SMARCA2: variants seen among roughly 807,000 people sequenced by gnomAD.
SMARCA2 encodes the protein SWI/SNF-related matrix-associated actin-dependent regulator of chromatin subfamily A member 2.
Under a neutral mutation model 199.8 loss-of-function variants are expected in SMARCA2, and 61 were observed. That is an observed-to-expected ratio of 0.31 (90% confidence interval 0.25 to 0.38). The LOEUF (loss-of-function observed/expected upper bound fraction) is 0.38. Ranked by LOEUF, SMARCA2 falls within the 10% of genes least tolerant of loss-of-function variation. The probability of loss-of-function intolerance (pLI) is 1.00; values close to 1 mark genes in which losing one functional copy is unlikely to be tolerated. For missense variants in SMARCA2, 1,344 were observed against 2,012.2 expected (o/e 0.67, Z 6.35); for synonymous variants, 935 against 732.0 (o/e 1.28, Z -4.48).
Position 2,028,991 on chromosome 9 carries a change from A to G in SMARCA2, c.-32A>G, listed in dbSNP as rs1436182298. 1 of 1,545,404 alleles carries G rather than the reference A, an allele frequency of 6.5e-7. No individual in the cohort carries two copies. The highest frequency in any genetic ancestry group is 2.0e-5 in the Admixed American group (1 of 49,498). ...TTTTTCTGCTTTTCAACTTAGCATTACTCTACTGACTGGCAGAGACAGGAG... is the reference window on the plus strand; with the variant it reads ...TTTTTCTGCTTTTCAACTTAGCATTGCTCTACTGACTGGCAGAGACAGGAG... On this transcript the variant is annotated 5_prime_UTR_variant, in exon 2 of 34. Transcript: ENST00000349721.
In SMARCA2 at chr9:2,115,441, G is replaced by C. The variant is rs571995275; in HGVS notation, c.3457-381G>C. On this transcript the variant is annotated intron_variant, in intron 24 of 33. Transcript: ENST00000349721. This position sits in a 1 kb window ranked among gnomAD's most constrained non-coding sequence, Gnocchi z 6.0. ...CAACACATCACGCCAAAGAAAAGGC[G>C]TTTCTTGCAACTTAAGGTTAGTTGT... is the stretch of plus-strand genomic sequence containing the variant. 6.6e-6 allele frequency among the ~76,000 whole-genome samples: 1 copy of C among 152,140 alleles called. No homozygotes were observed. Among genetic ancestry groups the C allele is most frequent in the Non-Finnish European group, 1.5e-5 (1 of 68,012 alleles).
At position 2,123,656 on chromosome 9, in the gene SMARCA2, G is replaced by A. The variant is rs1823561930; in HGVS notation, c.3763-63G>A. ...AAGTGACTTGGGGAAGTTGTGTAGT[G>A]CTGGGAAGTCTGCACCATACAGAAG... is the stretch of plus-strand genomic sequence containing the variant. On this transcript the variant is annotated intron_variant, in intron 26 of 33. Transcript: ENST00000349721. The surrounding 1 kb of genome is among the most constrained non-coding windows in gnomAD (Gnocchi z 4.1). 1.4e-6 allele frequency: 2 copies of A among 1,415,932 alleles called. No individual in the cohort carries two copies. Among genetic ancestry groups the A allele is most frequent in the Non-Finnish European group, 2.0e-6 (2 of 1,007,926 alleles). The allele number at this position is 1,415,932 out of a possible 1,614,324, so 87.7% of individuals were successfully genotyped here.
At chr9:2,139,352 G>C (rs549398006) in intron 27 of SMARCA2, among the ~76,000 whole-genome samples, 1 of 152,014 alleles carries the variant, frequency 6.6e-6, no homozygotes, top group African/African-American at 2.4e-5. Context: ...GGGGAATGCT[G>C]ATTGGTTTGG....
At chr9:2,096,415 A>C (rs1822275204) in intron 19 of SMARCA2, among the ~76,000 whole-genome samples, 1 of 152,234 alleles carries the variant, frequency 6.6e-6, no homozygotes. Context: ...AAATTTCAGA[A>C]AACATGACCC....
At chr9:2,137,744 AGGACTTT>A (rs1824270517) in intron 27 of SMARCA2, among the ~76,000 whole-genome samples, 4 of 152,276 alleles carry the variant, frequency 2.6e-5, no homozygotes, top group Admixed American at 1.3e-4. Context: ...TACCTGCAGC[AGGACTTT>A]ATGCGTGGTA....
chr9:2,158,668 G>GCC (rs1825503336), intron 27 of SMARCA2: 1 of 325,474 alleles, frequency 3.1e-6, no homozygotes, highest in East Asian at 4.7e-5. Context: ...TTTTGTGTGT[G>GCC]ACCCCCCAGC....
At chr9:2,126,815 C>T (rs949665127) in intron 27 of SMARCA2, among the ~76,000 whole-genome samples, 1 of 152,220 alleles carries the variant, frequency 6.6e-6, no homozygotes, top group Non-Finnish European at 1.5e-5. Context: ...GGCTGGCCAC[C>T]CCTAGAAGGA....
chr9:2,021,690 A>T (rs1257586683), intron 1 of SMARCA2, among the ~76,000 whole-genome samples: 1 of 152,234 alleles, frequency 6.6e-6, no homozygotes, highest in East Asian at 1.9e-4. Flanking sequence ...AGAGTCCAAA[A>T]TTCTGTAAAA....
intron 5 of SMARCA2, among the ~76,000 whole-genome samples, 179 bp from the exon 6 acceptor site, chr9:2,054,418 A>G (rs961521932): frequency 6.6e-6 from 1 of 152,256 alleles, no homozygotes; most frequent in Non-Finnish European, 1.5e-5. Context: ...GCATTAATGC[A>G]AAGGTAGCTT....
At chr9:2,173,326 A>C (rs1432481716) in intron 29 of SMARCA2, among the ~76,000 whole-genome samples, 1 of 152,198 alleles carries the variant, frequency 6.6e-6, no homozygotes, top group Non-Finnish European at 1.5e-5. Context: ...CTCTTTCAGG[A>C]CCAGCCAACA....
In SMARCA2 at chr9:2,182,247, G is replaced by A. The variant is rs1193357093; in HGVS notation, c.4461+5G>A. Reference sequence around the variant, plus strand: ...TTCAACCTGGAGGGATCCCAGGTCTGTCTTGTTAAGTTGTCTAAAAGTTCT... The same window carrying A: ...TTCAACCTGGAGGGATCCCAGGTCTATCTTGTTAAGTTGTCTAAAAGTTCT... On this transcript the variant is annotated splice_donor_5th_base_variant and intron_variant, in intron 31 of 33. Coordinates refer to ENST00000349721, the MANE Select transcript of SMARCA2 (RefSeq NM_003070.5). 6.4e-7 allele frequency: 1 copy of A among 1,569,890 alleles called. No homozygotes were observed.
intron 28 of SMARCA2, among the ~76,000 whole-genome samples, chr9:2,162,360 C>G (rs375575432): frequency 6.6e-6 from 1 of 152,206 alleles, no homozygotes; most frequent in Non-Finnish European, 1.5e-5. Context: ...TTCTCCTTTC[C>G]TTCCAACACT....
chr9:2,158,861 A>C, intron 27 of SMARCA2: 3 of 1,368,000 alleles, frequency 2.2e-6, no homozygotes, highest in Admixed American at 2.5e-5. Context: ...AAAGACCCTT[A>C]GAAATCACAG....
intron 19 of SMARCA2, among the ~76,000 whole-genome samples, chr9:2,094,774 G>T (rs1402284475): frequency 3.3e-5 from 5 of 152,156 alleles, no homozygotes; most frequent in South Asian, 2.1e-4. Context: ...ATGAGAGAAG[G>T]CTCAGAAAGC....
intron 29 of SMARCA2, among the ~76,000 whole-genome samples, chr9:2,179,303 G>C (rs532966904): frequency 9.8e-5 from 15 of 152,310 alleles, no homozygotes; most frequent in African/African-American, 3.1e-4. Flanking sequence ...TTTCAGTGAT[G>C]ATGGAAACAA....
intron 27 of SMARCA2, among the ~76,000 whole-genome samples, chr9:2,133,726 G>A (rs1824067048): frequency 6.6e-6 from 1 of 152,202 alleles, no homozygotes; most frequent in East Asian, 1.9e-4. Flanking sequence ...ATTAAGAGGT[G>A]GAGGTGGGGA....
chr9:2,155,581 A>G (rs914000246), intron 27 of SMARCA2, among the ~76,000 whole-genome samples: 12 of 152,102 alleles, frequency 7.9e-5, no homozygotes, highest in African/African-American at 2.9e-4. Flanking sequence ...GCGCGGGGGC[A>G]TTTTCGTTTT....
rs776686939 is a variant in SMARCA2 at position 2,182,156 on chromosome 9, C to T, written c.4375C>T (p.His1459Tyr). ...TTTCCATCAGGAAAGGATTCGTAAT[C>T]ATAAGTACCGGAGCCTAGGCGACCT... ...FKKIKERIRNHKYRSLGDLEK... is the reference protein window; with the variant it reads ...FKKIKERIRNYKYRSLGDLEK... Residue 1459 changes from histidine (H) to tyrosine (Y), a missense_variant, in exon 31 of 34, where the codon CAT becomes TAT. His to Tyr is a moderately conservative substitution (Grantham distance 83). Around this residue, in one of 18 missense-constraint regions of SMARCA2, gnomAD observed 151 missense variants for 154.0 expected, o/e 0.98. Coordinates refer to ENST00000349721, the MANE Select transcript of SMARCA2 (RefSeq NM_003070.5). 6.2e-7 allele frequency: 1 copy of T among 1,608,888 alleles called. No homozygotes were observed. The highest frequency in any genetic ancestry group is 8.5e-7 in the Non-Finnish European group (1 of 1,175,554).
At chr9:2,098,854 A>G (rs991195453) in intron 21 of SMARCA2, among the ~76,000 whole-genome samples, 3 of 151,920 alleles carry the variant, frequency 2.0e-5, no homozygotes, top group Non-Finnish European at 2.9e-5. Flanking sequence ...GGCTTAGGAA[A>G]GAGAATTGCT....
Sources: allele counts gnomAD v4.1 joint callset (sites outside exome capture counted in the v4.1 genomes callset), GRCh38; gene constraint gnomAD v4.1.1; regional missense constraint gnomAD v4.1.1; non-coding constraint Gnocchi (gnomAD v3.1); transcripts MANE v1.5; gene names NCBI Gene and HGNC (gene_info 2026-07-23, HGNC 2026-07-21).